OPCML: variants seen among roughly 807,000 people sequenced by gnomAD.
The protein encoded by OPCML is opioid-binding protein/cell adhesion molecule.
A neutral mutation model predicts 37.8 loss-of-function variants in OPCML; 13 were observed. That is an observed-to-expected ratio of 0.34 (90% CI 0.22 to 0.55). The LOEUF is 0.55. Ranked by LOEUF, OPCML falls within the 20% of genes least tolerant of loss-of-function variation. OPCML has a pLI of 0.91. For missense variants in OPCML, 341 were observed against 435.6 expected, an observed-to-expected ratio of 0.78 and a Z score of 1.93; for synonymous variants, 176 against 168.8, an observed-to-expected ratio of 1.04 and a Z score of -0.33.
rs1027766015 is a variant in OPCML at position 133,447,679 on chromosome 11, T to C, written c.61+84585A>G. Among the ~76,000 whole-genome samples the C allele has an allele frequency of 2.6e-5, 4 of 152,358 alleles. No homozygotes were observed. In the East Asian group the frequency reaches 7.7e-4, roughly 29 times the overall value. On this transcript the variant is annotated intron_variant, in intron 1 of 7. Coordinates refer to ENST00000524381, the MANE Select transcript of OPCML (RefSeq NM_001012393.5). Reference sequence around the variant, plus strand: ...GGTTAATGGCCTCCAGCTGCATCCATGTTGCTGCAAAGAACATTATTTCAT... The same window carrying C: ...GGTTAATGGCCTCCAGCTGCATCCACGTTGCTGCAAAGAACATTATTTCAT...
intron 2 of OPCML, among the ~76,000 whole-genome samples, chr11:132,672,699 A>T (rs1942526576): frequency 6.6e-6 from 1 of 152,162 alleles, no homozygotes. Flanking sequence ...AAACCAATAA[A>T]GCTCTTCCAC....
chr11:132,439,875 C>T (rs1468442475), intron 4 of OPCML, among the ~76,000 whole-genome samples: 1 of 152,196 alleles, frequency 6.6e-6, no homozygotes, highest in Non-Finnish European at 1.5e-5. Flanking sequence ...GCTAGAGTCT[C>T]AGGCAGGGTC....
At chr11:133,180,088 G>A (rs1592078891) in intron 1 of OPCML, among the ~76,000 whole-genome samples, 1 of 152,196 alleles carries the variant, frequency 6.6e-6, no homozygotes, top group African/African-American at 2.4e-5. Context: ...GAAGACTAGG[G>A]TGTGAGTGAT....
intron 1 of OPCML, among the ~76,000 whole-genome samples, chr11:133,209,325 A>C (rs558839031): frequency 2.0e-5 from 3 of 152,310 alleles, no homozygotes; most frequent in African/African-American, 7.2e-5. Flanking sequence ...GAACCAGACA[A>C]GTTTTCAGTA....
At chr11:133,085,259 G>C (rs1056491632) in intron 1 of OPCML, among the ~76,000 whole-genome samples, 1 of 152,180 alleles carries the variant, frequency 6.6e-6, no homozygotes, top group African/African-American at 2.4e-5. Flanking sequence ...GCCTGGGATT[G>C]ACAGAGTTCA....
In OPCML at chr11:133,140,910, A is replaced by AGAAGAAGAAGACGACGACGAC. The variant is rs1949790193; in HGVS notation, c.62-197921_62-197901dup. ...ACGACGACGAAGACGACGACGACGA[A>AGAAGAAGAAGACGACGACGAC]GAAGAAGAAGACGACGACGACGAAG... On this transcript the variant is annotated intron_variant, in intron 1 of 7. Transcript: ENST00000524381. Among the ~76,000 whole-genome samples, 2 of 14,300 alleles carry AGAAGAAGAAGACGACGACGAC rather than the reference A, an allele frequency of 1.4e-4. 1 individual carries two copies. Among genetic ancestry groups the AGAAGAAGAAGACGACGACGAC allele is most frequent in the African/African-American group, 3.1e-4 (2 of 6,396 alleles). The allele number at this position is 14,300 out of a possible 152,430, so 9.4% of individuals were successfully genotyped here.
intron 4 of OPCML, among the ~76,000 whole-genome samples, chr11:132,490,426 G>T (rs561249826): frequency 2.0e-5 from 3 of 151,974 alleles, no homozygotes; most frequent in Non-Finnish European, 4.4e-5. Flanking sequence ...GAGCTCCAGG[G>T]CTCAGGCCTG....
chr11:132,450,959 C>A (rs2096067013), intron 4 of OPCML, among the ~76,000 whole-genome samples: 1 of 152,084 alleles, frequency 6.6e-6, no homozygotes, highest in East Asian at 1.9e-4. Context: ...TTCCTTCCAA[C>A]CATTGACTCA....
At chr11:132,915,203 C>T (rs2136557540) in intron 2 of OPCML, among the ~76,000 whole-genome samples, 1 of 152,308 alleles carries the variant, frequency 6.6e-6, no homozygotes, top group East Asian at 1.9e-4. Flanking sequence ...AACCACCAGA[C>T]CCTATCTCCC....
intron 1 of OPCML, among the ~76,000 whole-genome samples, chr11:133,115,249 T>C (rs1486969093): frequency 6.6e-6 from 1 of 152,202 alleles, no homozygotes; most frequent in Admixed American, 6.5e-5. Context: ...TGAAGCCTCA[T>C]TGCCCTTCAG....
intron 4 of OPCML, among the ~76,000 whole-genome samples, chr11:132,464,891 C>T (rs1043271114): frequency 2.0e-5 from 3 of 152,262 alleles, no homozygotes; most frequent in African/African-American, 7.2e-5. Flanking sequence ...TTCTCATTCC[C>T]TTCCCCAGAG....
intron 3 of OPCML, among the ~76,000 whole-genome samples, chr11:132,553,027 G>A (rs540532909): frequency 6.6e-6 from 1 of 152,246 alleles, no homozygotes; most frequent in East Asian, 1.9e-4. Flanking sequence ...GCCTCCCAAA[G>A]TGCTGGGATT....
chr11:133,399,557 T>C (rs1056588148), intron 1 of OPCML, among the ~76,000 whole-genome samples: 5 of 152,126 alleles, frequency 3.3e-5, no homozygotes, highest in African/African-American at 4.8e-5. Flanking sequence ...GCACAGCCTG[T>C]CTGTGAATCC....
chr11:133,241,763 C>A, intron 1 of OPCML, among the ~76,000 whole-genome samples: 1 of 152,166 alleles, frequency 6.6e-6, no homozygotes, highest in East Asian at 1.9e-4. Flanking sequence ...AGGAACACAC[C>A]TTCATCTCCC....
intron 2 of OPCML, among the ~76,000 whole-genome samples, chr11:132,881,044 G>A (rs1218234982): frequency 1.3e-5 from 2 of 152,196 alleles, no homozygotes; most frequent in African/African-American, 4.8e-5. Context: ...TCACTCACAT[G>A]ACATAGTTTG....
At chr11:132,779,253 T>A in intron 2 of OPCML, among the ~76,000 whole-genome samples, 1 of 152,104 alleles carries the variant, frequency 6.6e-6, no homozygotes, top group East Asian at 1.9e-4. Context: ...CAGGCATGAG[T>A]CACCACACCT....
chr11:133,399,314 A>G (rs1945351958), intron 1 of OPCML, among the ~76,000 whole-genome samples: 1 of 152,134 alleles, frequency 6.6e-6, no homozygotes, highest in Admixed American at 6.5e-5. Flanking sequence ...CCTGGGTTTG[A>G]GCTCAGCACT....
intron 1 of OPCML, among the ~76,000 whole-genome samples, chr11:133,342,236 C>T (rs1943886275): frequency 6.6e-6 from 1 of 152,146 alleles, no homozygotes; most frequent in African/African-American, 2.4e-5. Context: ...GGGAAGAGAA[C>T]TAACACACTA....
At chr11:133,334,779 T>G (rs1037622393) in intron 1 of OPCML, among the ~76,000 whole-genome samples, 1 of 152,154 alleles carries the variant, frequency 6.6e-6, no homozygotes, top group African/African-American at 2.4e-5. Context: ...CCATAATCAA[T>G]GGACTTTGGT....
Sources: allele counts gnomAD v4.1 joint callset (sites outside exome capture counted in the v4.1 genomes callset), GRCh38; gene constraint gnomAD v4.1.1; transcripts MANE v1.5; gene names NCBI Gene and HGNC (gene_info 2026-07-23, HGNC 2026-07-21).